MARCHF4: variants seen among roughly 807,000 people sequenced by gnomAD.
MARCHF4 encodes membrane associated ring-CH-type finger 4.
In MARCHF4, 14 loss-of-function variants were observed where a neutral mutation model predicts 43.9. The observed-to-expected ratio is 0.32, with a 90% CI of 0.21 to 0.50. The LOEUF is 0.50. MARCHF4 is among the 20% of genes least tolerant of loss of function. MARCHF4 has a pLI of 0.98. For synonymous variants in MARCHF4, 226 were observed against 213.3 expected, an observed-to-expected ratio of 1.06 and a Z score of -0.52; for missense variants, 468 against 536.7, an observed-to-expected ratio of 0.87 and a Z score of 1.27.
Position 216,259,236 on chromosome 2 carries a change from G to T in MARCHF4, c.*76C>A. 6.7e-7 allele frequency: 1 copy of T among 1,488,644 alleles called. No individual in the cohort carries two copies. Among genetic ancestry groups the T allele is most frequent in the Non-Finnish European group, 8.9e-7 (1 of 1,122,164 alleles). 92.2% of individuals were successfully genotyped at this position (1,488,644 alleles called of 1,614,324 possible). A position where few individuals can be genotyped will look rare whatever the true frequency, so the allele number is the denominator to read the frequency against. On this transcript the variant is annotated 3_prime_UTR_variant, in exon 4 of 4. Transcript: ENST00000273067. ...TCTGCCTGCTCCCTCTGTTGGCTCT[G>T]GGGGTGCCACTGCACCTCCCCACCC... is the stretch of plus-strand genomic sequence containing the variant.
chr2:216,314,464 C>T (rs373547818), intron 1 of MARCHF4, among the ~76,000 whole-genome samples: 11 of 151,908 alleles, frequency 7.2e-5, no homozygotes, highest in East Asian at 5.8e-4. Context: ...GCTGGGATTA[C>T]AGGCACACGC....
intron 1 of MARCHF4, among the ~76,000 whole-genome samples, chr2:216,343,049 G>A (rs1692259579): frequency 6.6e-6 from 1 of 152,192 alleles, no homozygotes; most frequent in African/African-American, 2.4e-5. Context: ...TGTCCCAAAG[G>A]ACTGGGACTG....
chr2:216,260,126 C>T (rs1300454636), intron 3 of MARCHF4, among the ~76,000 whole-genome samples: 4 of 152,254 alleles, frequency 2.6e-5, no homozygotes, highest in Non-Finnish European at 5.9e-5. Flanking sequence ...CACTGGTTAA[C>T]TCTTTGCATG....
intron 1 of MARCHF4, among the ~76,000 whole-genome samples, chr2:216,290,447 T>TA (rs1311781115): frequency 6.6e-6 from 1 of 152,098 alleles, no homozygotes; most frequent in Non-Finnish European, 1.5e-5. Context: ...AAGTTAGAGA[T>TA]ATAACAGGGA....
rs1692756389 is a variant in MARCHF4 at position 216,371,286 on chromosome 2, C to G, written c.-1026G>C. Reference sequence around the variant, plus strand: ...GTGGTTACATTATCTCAGCCCCCAGCCCACCCCTGCTGCAGTCGGCAAATC... The same window carrying G: ...GTGGTTACATTATCTCAGCCCCCAGGCCACCCCTGCTGCAGTCGGCAAATC... On this transcript the variant is annotated 5_prime_UTR_variant, in exon 1 of 4. Transcript: ENST00000273067. 6.5e-6 allele frequency: 1 copy of G among 153,026 alleles called. No homozygotes were observed. Among genetic ancestry groups the G allele is most frequent in the Non-Finnish European group, 1.5e-5 (1 of 68,394 alleles). The allele number at this position is 153,026 out of a possible 1,614,324, so 9.5% of individuals were successfully genotyped here. A position where few individuals can be genotyped will look rare whatever the true frequency, so the allele number is the denominator to read the frequency against.
intron 1 of MARCHF4, among the ~76,000 whole-genome samples, chr2:216,301,241 AC>A (rs904897293): frequency 5.9e-5 from 9 of 152,266 alleles, no homozygotes; most frequent in Admixed American, 4.6e-4. Flanking sequence ...GGCAGCAAGA[AC>A]CTCCCATGCT....
At chr2:216,295,979 C>T (rs2105947064) in intron 1 of MARCHF4, among the ~76,000 whole-genome samples, 1 of 152,286 alleles carries the variant, frequency 6.6e-6, no homozygotes. Context: ...AACCCTGTTT[C>T]TACTAAAAAT....
chr2:216,299,598 C>G (rs1245923712), intron 1 of MARCHF4, among the ~76,000 whole-genome samples: 2 of 152,190 alleles, frequency 1.3e-5, no homozygotes, highest in Non-Finnish European at 2.9e-5. Context: ...CAGCCTTTTC[C>G]TATCTTTTCA....
intron 1 of MARCHF4, among the ~76,000 whole-genome samples, chr2:216,355,492 AT>A: frequency 6.6e-6 from 1 of 152,282 alleles, no homozygotes; most frequent in East Asian, 1.9e-4. Context: ...CTTGAATTGC[AT>A]TTGTAGAAAG....
intron 1 of MARCHF4, among the ~76,000 whole-genome samples, chr2:216,346,993 A>G (rs1461793003): frequency 6.6e-6 from 1 of 152,094 alleles, no homozygotes; most frequent in Non-Finnish European, 1.5e-5. Context: ...AGTGTATAGC[A>G]ACCACCCCTT....
chr2:216,277,448 G>T (rs1248867903), intron 3 of MARCHF4, among the ~76,000 whole-genome samples: 1 of 152,140 alleles, frequency 6.6e-6, no homozygotes, highest in Non-Finnish European at 1.5e-5. Flanking sequence ...AACTGTGCAA[G>T]ACAGGTTTGT....
intron 1 of MARCHF4, among the ~76,000 whole-genome samples, chr2:216,368,165 C>T (rs1263515832): frequency 3.3e-5 from 5 of 152,184 alleles, no homozygotes; most frequent in Non-Finnish European, 5.9e-5. Context: ...AAAGAAATGC[C>T]TTAGGAATTT....
rs1692740541 is a variant in MARCHF4, at chr2:216,370,378, T to C, written c.-118A>G. The C allele has an allele frequency of 2.7e-6, 2 of 744,344 alleles. No individual in the cohort carries two copies. Among genetic ancestry groups the C allele is most frequent in the Admixed American group, 6.4e-5 (2 of 31,466 alleles). 46.1% of individuals were successfully genotyped at this position (744,344 alleles called of 1,614,324 possible). ...TTGTGGGGGGAGTCTGCTTTCTCACTGGCTTTTCTTACAACCCCTCCAAGT... is the reference window on the plus strand; with the variant it reads ...TTGTGGGGGGAGTCTGCTTTCTCACCGGCTTTTCTTACAACCCCTCCAAGT... On this transcript the variant is annotated 5_prime_UTR_variant, in exon 1 of 4. Transcript: ENST00000273067.
intron 1 of MARCHF4, among the ~76,000 whole-genome samples, chr2:216,307,713 C>A (rs1020825925): frequency 6.6e-6 from 1 of 152,172 alleles, no homozygotes; most frequent in Non-Finnish European, 1.5e-5. Context: ...CGACTGAATA[C>A]AGGTTGAAAC....
intron 3 of MARCHF4, among the ~76,000 whole-genome samples, chr2:216,273,990 T>A (rs2105936039): frequency 6.6e-6 from 1 of 152,320 alleles, no homozygotes. Context: ...TTTGATGAAG[T>A]TGGAGTGTCG....
intron 1 of MARCHF4, among the ~76,000 whole-genome samples, chr2:216,325,466 T>G (rs1691973198): frequency 6.6e-6 from 1 of 152,110 alleles, no homozygotes; most frequent in African/African-American, 2.4e-5. Context: ...AAAAAACTAC[T>G]TTAAAGTTCA....
intron 1 of MARCHF4, among the ~76,000 whole-genome samples, chr2:216,348,238 T>C (rs1017456560): frequency 9.9e-5 from 15 of 152,208 alleles, no homozygotes; most frequent in Non-Finnish European, 1.5e-4. Context: ...GGTTTCTCCA[T>C]GTTGGTCAGC....
intron 1 of MARCHF4, among the ~76,000 whole-genome samples, chr2:216,285,524 A>G (rs544995227): frequency 6.6e-5 from 10 of 152,266 alleles, no homozygotes; most frequent in African/African-American, 2.4e-4. Context: ...ACTCAATCCA[A>G]TTTTGAGAGC....
intron 1 of MARCHF4, among the ~76,000 whole-genome samples, chr2:216,288,466 A>G (rs1479593060): frequency 6.6e-6 from 1 of 152,182 alleles, no homozygotes; most frequent in Non-Finnish European, 1.5e-5. Flanking sequence ...GCCTAAAGAA[A>G]AGAGTCAGTT....
Sources: gnomAD v4.1 joint callset for allele counts (sites outside exome capture counted in the v4.1 genomes callset) on GRCh38, gnomAD v4.1.1 for gene constraint, MANE v1.5 for transcripts, NCBI Gene and HGNC (gene_info 2026-07-23, HGNC 2026-07-21) for gene names.